Variants in AGAP1 observed in about 807,000 individuals in gnomAD.
AGAP1 encodes the protein ArfGAP with GTPase domain, ankyrin repeat and PH domain 1, also known as arf-GAP with GTPase, ANK repeat and PH domain-containing protein 1.
A neutral mutation model predicts 105.3 loss-of-function variants in AGAP1; 29 were observed. That is an observed-to-expected ratio of 0.28 (90% CI 0.21 to 0.38). The LOEUF (loss-of-function observed/expected upper bound fraction) is 0.38, where lower values mean the gene tolerates loss of function less well. Among genes scored for constraint, AGAP1 ranks in the 10% least tolerant of loss-of-function variants. The pLI is 1.00. For missense variants in AGAP1, 998 were observed against 1,165.1 expected (o/e 0.86, Z 2.09); for synonymous variants, 509 against 485.9 (o/e 1.05, Z -0.63).
intron 6 of AGAP1, among the ~76,000 whole-genome samples, chr2:235,791,587 C>G (rs778522037): frequency 6.6e-6 from 1 of 151,980 alleles, no homozygotes; most frequent in Admixed American, 6.6e-5. Flanking sequence ...TTTGGCCAGA[C>G]TGGAGTACAG....
At chr2:235,832,485 A>C (rs536517876) in intron 9 of AGAP1, among the ~76,000 whole-genome samples, 1 of 152,384 alleles carries the variant, frequency 6.6e-6, no homozygotes, top group South Asian at 2.1e-4. Flanking sequence ...TTCCGATGAG[A>C]TAATTGCTTA....
intron 1 of AGAP1, among the ~76,000 whole-genome samples, chr2:235,676,092 C>G (rs1398406621): frequency 1.3e-5 from 2 of 152,192 alleles, no homozygotes; most frequent in African/African-American, 4.8e-5. Flanking sequence ...TCTGCATTCA[C>G]TAGGCAGTGG....
At chr2:235,509,433 A>G (rs932685339) in intron 1 of AGAP1, among the ~76,000 whole-genome samples, 6 of 151,750 alleles carry the variant, frequency 4.0e-5, no homozygotes, top group African/African-American at 1.5e-4. Flanking sequence ...CGGTTTCACC[A>G]TGTTGGCCAG....
rs563409293 is a variant in AGAP1 at position 235,973,022 on chromosome 2, G to A, written c.1645+4399G>A. 8.5e-5 allele frequency among the ~76,000 whole-genome samples: 13 copies of A among 152,260 alleles called. No individual in the cohort carries two copies. The South Asian group carries it at 2.7e-3, about 32-fold the overall frequency. On this transcript the variant is annotated intron_variant, in intron 13 of 17. Transcript: ENST00000304032. The surrounding 1 kb of genome is among the most constrained non-coding windows in gnomAD (Gnocchi z 4.7). ...AGCTAAGCACAGAGGTTCTCACTCTGGCCGTTTCTTACCTCTGTGGCGCAC... is the reference window on the plus strand; with the variant it reads ...AGCTAAGCACAGAGGTTCTCACTCTAGCCGTTTCTTACCTCTGTGGCGCAC...
chr2:235,532,490 G>A (rs62191533), intron 1 of AGAP1, among the ~76,000 whole-genome samples: 19 of 152,188 alleles, frequency 1.2e-4, no homozygotes, highest in Non-Finnish European at 2.4e-4. Context: ...ACAGGTGTGA[G>A]CCACTGCACC....
intron 1 of AGAP1, among the ~76,000 whole-genome samples, chr2:235,529,689 T>G (rs1427715795): frequency 1.3e-5 from 2 of 152,210 alleles, no homozygotes; most frequent in African/African-American, 4.8e-5. Flanking sequence ...CCATGTGAGG[T>G]GCACACATTT....
chr2:235,926,053 C>G (rs955858352), intron 11 of AGAP1, among the ~76,000 whole-genome samples: 37 of 152,272 alleles, frequency 2.4e-4, no homozygotes, highest in African/African-American at 8.9e-4. Flanking sequence ...GTGTTCAAAA[C>G]TCCTGTGTGG....
intron 1 of AGAP1, among the ~76,000 whole-genome samples, chr2:235,513,816 GAAGCATTGAAA>G (rs1415400053): frequency 6.6e-6 from 1 of 152,170 alleles, no homozygotes; most frequent in Non-Finnish European, 1.5e-5. Flanking sequence ...ATGGGGTCTA[GAAGCATTGAAA>G]CTGGTTTGCC....
Position 236,126,621 on chromosome 2 carries a change from C to G in AGAP1, c.*2499C>G, listed in dbSNP as rs1010558858. 2 of 152,124 alleles carry G rather than the reference C, an allele frequency of 1.3e-5. No individual in the cohort carries two copies. The highest frequency in any genetic ancestry group is 2.4e-5 in the African/African-American group (1 of 41,410). 9.4% of individuals were successfully genotyped at this position (152,124 alleles called of 1,614,324 possible). A position where few individuals can be genotyped will look rare whatever the true frequency, so the allele number is the denominator to read the frequency against. On this transcript the variant is annotated 3_prime_UTR_variant, in exon 18 of 18. Coordinates refer to ENST00000304032, the MANE Select transcript of AGAP1 (RefSeq NM_001037131.3). ...GATTGGTTTTTTCCCTTCCTGGCCC[C>G]CAGCACAAGCTGCCATGACTCCCCC...
intron 16 of AGAP1, among the ~76,000 whole-genome samples, chr2:236,065,700 A>C (rs1262370621): frequency 6.6e-6 from 1 of 152,148 alleles, no homozygotes; most frequent in Non-Finnish European, 1.5e-5. Context: ...CATCTCCATC[A>C]TCCTTTTAAA....
intron 1 of AGAP1, chr2:235,671,000 G>T: frequency 1.5e-6 from 2 of 1,323,460 alleles, no homozygotes; most frequent in East Asian, 3.1e-5. Flanking sequence ...CCTGCGGCGG[G>T]CCCCGGCCGA....
chr2:236,086,268 A>G (rs766391833), intron 16 of AGAP1, among the ~76,000 whole-genome samples: 10 of 152,238 alleles, frequency 6.6e-5, no homozygotes, highest in Non-Finnish European at 1.3e-4. Context: ...GTGCCCCCCA[A>G]TTTACTATTG....
chr2:235,747,088 A>G lies in AGAP1; in HGVS notation c.538+2249A>G, dbSNP rs1953014052. On this transcript the variant is annotated intron_variant, in intron 5 of 17. Coordinates refer to ENST00000304032, the MANE Select transcript of AGAP1 (RefSeq NM_001037131.3). The surrounding 1 kb of genome is among the most constrained non-coding windows in gnomAD (Gnocchi z 5.0). ...TGGGTATGTGATAGGCATCTTAACA[A>G]TGGCTGCTTTTGTTCCTCATATTTC... 6.6e-6 allele frequency among the ~76,000 whole-genome samples: 1 copy of G among 152,116 alleles called. No homozygotes were observed. Among genetic ancestry groups the G allele is most frequent in the Non-Finnish European group, 1.5e-5 (1 of 68,020 alleles).
In AGAP1 at chr2:235,989,550, A is replaced by AGG. The variant is rs1293701079; in HGVS notation, c.1645+20930_1645+20931dup. ...CCTGGGCACACTGGTGGCGTAGCTG[A>AGG]GGGGCTGCCTGCGTGCAAGGAGGAC... On this transcript the variant is annotated intron_variant, in intron 13 of 17. Coordinates refer to ENST00000304032, the MANE Select transcript of AGAP1 (RefSeq NM_001037131.3). This position sits in a 1 kb window ranked among gnomAD's most constrained non-coding sequence, Gnocchi z 4.4. Among the ~76,000 whole-genome samples, 1 of 152,128 alleles carries AGG rather than the reference A, an allele frequency of 6.6e-6. No individual in the cohort carries two copies. Among genetic ancestry groups the AGG allele is most frequent in the Non-Finnish European group, 1.5e-5 (1 of 68,004 alleles).
chr2:235,558,375 G>C (rs936886664), intron 1 of AGAP1, among the ~76,000 whole-genome samples: 2 of 152,050 alleles, frequency 1.3e-5, no homozygotes, highest in Non-Finnish European at 2.9e-5. Flanking sequence ...TGGTTTCCCT[G>C]TCTCCCAGCA....
intron 1 of AGAP1, among the ~76,000 whole-genome samples, chr2:235,658,703 C>T (rs1173165347): frequency 6.6e-6 from 1 of 152,126 alleles, no homozygotes; most frequent in Non-Finnish European, 1.5e-5. Flanking sequence ...TTTCCAGGAA[C>T]TCTGGAAGGA....
intron 12 of AGAP1, among the ~76,000 whole-genome samples, chr2:235,935,905 C>T (rs1421427655): frequency 1.3e-5 from 2 of 152,294 alleles, no homozygotes; most frequent in South Asian, 2.1e-4. Flanking sequence ...CGTTGAGATG[C>T]GTCACACCTG....
At chr2:235,703,921 C>A (rs1575173845) in intron 1 of AGAP1, among the ~76,000 whole-genome samples, 1 of 152,162 alleles carries the variant, frequency 6.6e-6, no homozygotes. Context: ...AGGTGATCCA[C>A]GCCCCTTGGC....
At position 236,062,674 on chromosome 2, in the gene AGAP1, T is replaced by C. The variant is rs1310017616; in HGVS notation, c.2114+13393T>C. 6.6e-6 allele frequency among the ~76,000 whole-genome samples: 1 copy of C among 152,062 alleles called. No individual in the cohort carries two copies. Among genetic ancestry groups the C allele is most frequent in the African/African-American group, 2.4e-5 (1 of 41,374 alleles). On this transcript the variant is annotated intron_variant, in intron 16 of 17. Transcript: ENST00000304032. This position sits in a 1 kb window ranked among gnomAD's most constrained non-coding sequence, Gnocchi z 4.2. ...TGTTTGTTTGTTTGTTTTTGTTTGTTTGTTTGAGATGGAATCTCACTCTGT... is the reference window on the plus strand; with the variant it reads ...TGTTTGTTTGTTTGTTTTTGTTTGTCTGTTTGAGATGGAATCTCACTCTGT...
Sources: gnomAD v4.1 joint callset for allele counts (sites outside exome capture counted in the v4.1 genomes callset) on GRCh38, gnomAD v4.1.1 for gene constraint, Gnocchi (gnomAD v3.1) non-coding constraint, MANE v1.5 for transcripts, NCBI Gene and HGNC (gene_info 2026-07-23, HGNC 2026-07-21) for gene names.